The following EPB41L1 variants were observed in gnomAD, a reference collection of about 807,000 sequenced individuals.
EPB41L1 encodes band 4.1-like protein 1.
In EPB41L1, 29 loss-of-function variants were observed where a neutral mutation model predicts 97.8. That is an observed-to-expected ratio of 0.30 (90% CI 0.22 to 0.40). The LOEUF (loss-of-function observed/expected upper bound fraction) is 0.40, where lower values mean the gene tolerates loss of function less well. EPB41L1 is among the 10% of genes least tolerant of loss of function. The pLI, the probability that EPB41L1 is intolerant of heterozygous loss-of-function variation, is 1.00. For missense variants in EPB41L1, 812 were observed against 1,162.3 expected, an observed-to-expected ratio of 0.70 and a Z score of 4.38; for synonymous variants, 383 against 459.2, an observed-to-expected ratio of 0.83 and a Z score of 2.12.
chr20:36,108,156 T>G (rs990278815), intron 1 of EPB41L1, among the ~76,000 whole-genome samples: 14 of 151,758 alleles, frequency 9.2e-5, no homozygotes, highest in African/African-American at 3.4e-4. Flanking sequence ...ATTTTTTTAT[T>G]TTTTGTAGAG....
At chr20:36,171,829 G>A (rs2061002480) in intron 1 of EPB41L1, among the ~76,000 whole-genome samples, 1 of 152,188 alleles carries the variant, frequency 6.6e-6, no homozygotes, top group African/African-American at 2.4e-5. Context: ...ATGGTGCAGG[G>A]GAGAGGGCGT....
At chr20:36,132,262 G>C (rs1376937509) in intron 2 of EPB41L1, among the ~76,000 whole-genome samples, 1 of 152,106 alleles carries the variant, frequency 6.6e-6, no homozygotes, top group Non-Finnish European at 1.5e-5. Flanking sequence ...TGGCAGAGCT[G>C]CTAGGGGAGG....
intron 1 of EPB41L1, among the ~76,000 whole-genome samples, chr20:36,164,124 G>A (rs1340467662): frequency 1.3e-5 from 2 of 152,164 alleles, no homozygotes; most frequent in African/African-American, 2.4e-5. Context: ...GATTGCAGGC[G>A]TGAGCCACTG....
intron 1 of EPB41L1, among the ~76,000 whole-genome samples, chr20:36,172,187 T>G (rs1055908861): frequency 2.6e-5 from 4 of 152,198 alleles, no homozygotes; most frequent in African/African-American, 9.7e-5. Context: ...CAAGCGATTC[T>G]CCTGCTTCAG....
In EPB41L1 at chr20:36,209,833, T is replaced by A; in HGVS notation, c.2014T>A (p.Ser672Thr). 6.2e-7 allele frequency: 1 copy of A among 1,613,644 alleles called. No homozygotes were observed. Among genetic ancestry groups the A allele is most frequent in the Admixed American group, 1.7e-5 (1 of 60,006 alleles). Residue 672 changes from serine (S) to threonine (T), a missense_variant, in exon 15 of 22, where the codon TCT becomes ACT. Ser to Thr is a moderately conservative substitution (Grantham distance 58, BLOSUM62 1). Transcript: ENST00000338074. This position sits in a 1 kb window ranked among gnomAD's most constrained non-coding sequence, Gnocchi z 4.2. ...GGGGGCCCCCAGCCAGGATGATGAGTCTGGGGGCATTGAGGACAGCCCGGA... is the reference window on the plus strand; with the variant it reads ...GGGGGCCCCCAGCCAGGATGATGAGACTGGGGGCATTGAGGACAGCCCGGA... ...NKGAPSQDDE[S>T]GGIEDSPDRG... is the part of the protein sequence containing the mutation.
intron 21 of EPB41L1, 41 bp from the exon 22 acceptor site, chr20:36,229,288 CCCA>C: frequency 7.0e-7 from 1 of 1,432,332 alleles, no homozygotes; most frequent in Non-Finnish European, 9.8e-7. Context: ...TTCCTTTCCC[CCCA>C]CTCCCCACCC....
intron 19 of EPB41L1, among the ~76,000 whole-genome samples, 199 bp downstream of exon 19, chr20:36,220,043 C>T (rs1341345203): frequency 1.3e-5 from 2 of 152,274 alleles, no homozygotes; most frequent in Admixed American, 1.3e-4. Flanking sequence ...GCGTTGACAG[C>T]CAGGCTAGGG....
intron 5 of EPB41L1, among the ~76,000 whole-genome samples, chr20:36,180,117 T>C (rs2061418571): frequency 6.6e-6 from 1 of 152,160 alleles, no homozygotes; most frequent in Non-Finnish European, 1.5e-5. Context: ...TCACTCCTTG[T>C]AGCCATCCCA....
chr20:36,148,125 A>G (rs932062652), intron 2 of EPB41L1, among the ~76,000 whole-genome samples: 3 of 152,136 alleles, frequency 2.0e-5, no homozygotes, highest in African/African-American at 7.2e-5. Flanking sequence ...GATGGCCAAC[A>G]CATACTATGC....
intron 2 of EPB41L1, among the ~76,000 whole-genome samples, chr20:36,145,486 T>C (rs1422371062): frequency 6.6e-6 from 1 of 151,890 alleles, no homozygotes; most frequent in Non-Finnish European, 1.5e-5. Context: ...TAGGAAGAGA[T>C]GAACAGAGGG....
In EPB41L1 at chr20:36,093,359, G is replaced by C. The variant is rs966827625; in HGVS notation, c.-65+1747G>C. On this transcript the variant is annotated intron_variant, in intron 1 of 19. Transcript: ENST00000202028. This position sits in a 1 kb window ranked among gnomAD's most constrained non-coding sequence, Gnocchi z 5.4. ...CGCGCGCGTCGCTGTGTGCGCGCCAGTGTAACTCCCGTGTGTGCGCGTGTG... is the reference window on the plus strand; with the variant it reads ...CGCGCGCGTCGCTGTGTGCGCGCCACTGTAACTCCCGTGTGTGCGCGTGTG... 3.3e-5 allele frequency among the ~76,000 whole-genome samples: 5 copies of C among 151,980 alleles called. No individual in the cohort carries two copies. The highest frequency in any genetic ancestry group is 4.8e-5 in the African/African-American group (2 of 41,398).
At position 36,212,249 on chromosome 20, in the gene EPB41L1, C is replaced by T. The variant is rs1357439617; in HGVS notation, c.2080-23C>T. On this transcript the variant is annotated intron_variant, in intron 15 of 21. Transcript: ENST00000338074. The surrounding 1 kb of genome is among the most constrained non-coding windows in gnomAD (Gnocchi z 4.8). ...TCATGCTAGGGTTTCAGTTACAGAG[C>T]ATTCTCCCTCCTTTTCCTACAGCCC... The T allele has an allele frequency of 6.2e-7, 1 of 1,609,992 alleles. No individual in the cohort carries two copies. The highest frequency in any genetic ancestry group is 8.5e-7 in the Non-Finnish European group (1 of 1,176,202).
chr20:36,127,029 C>G (rs1367072123), intron 2 of EPB41L1, among the ~76,000 whole-genome samples: 1 of 152,228 alleles, frequency 6.6e-6, no homozygotes, highest in Non-Finnish European at 1.5e-5. Context: ...CGGCCCATCT[C>G]AGAGGCACAC....
intron 1 of EPB41L1, chr20:36,155,183 C>G (rs2060239906): frequency 2.2e-6 from 1 of 456,644 alleles, no homozygotes; most frequent in African/African-American, 2.0e-5. Context: ...CTGGCCCAGT[C>G]TCTTTTCGGA....
At chr20:36,202,055 G>T (rs931834969) in intron 14 of EPB41L1, among the ~76,000 whole-genome samples, 3 of 152,110 alleles carry the variant, frequency 2.0e-5, no homozygotes, top group Non-Finnish European at 4.4e-5. Context: ...AAAACTATCC[G>T]CACACTCTCT....
chr20:36,125,546 T>C (rs1231715947), intron 2 of EPB41L1: 1 of 1,535,302 alleles, frequency 6.5e-7, no homozygotes, highest in Non-Finnish European at 8.7e-7. Flanking sequence ...TTATCTTCCA[T>C]TCAACAGTGG....
intron 1 of EPB41L1, among the ~76,000 whole-genome samples, chr20:36,108,755 C>T (rs1002671629): frequency 3.3e-5 from 5 of 152,174 alleles, no homozygotes; most frequent in Admixed American, 3.3e-4. Context: ...TATTTGACAA[C>T]ACTATTGTAG....
intron 1 of EPB41L1, among the ~76,000 whole-genome samples, chr20:36,097,912 C>G (rs1232418842): frequency 6.6e-6 from 1 of 152,152 alleles, no homozygotes; most frequent in East Asian, 1.9e-4. Flanking sequence ...CTGCAGACGG[C>G]AGGGAGCTGG....
intron 6 of EPB41L1, among the ~76,000 whole-genome samples, chr20:36,183,021 G>A (rs2061532520): frequency 6.6e-6 from 1 of 152,216 alleles, no homozygotes; most frequent in Non-Finnish European, 1.5e-5. Context: ...CTCAGGGCCA[G>A]TAGATAACAT....
Sources: gnomAD v4.1 joint callset for allele counts (sites outside exome capture counted in the v4.1 genomes callset) on GRCh38, gnomAD v4.1.1 for gene constraint, Gnocchi (gnomAD v3.1) non-coding constraint, MANE v1.5 for transcripts, NCBI Gene and HGNC (gene_info 2026-07-23, HGNC 2026-07-21) for gene names.